DPYD: variants seen among roughly 807,000 people sequenced by gnomAD.
DPYD encodes dihydropyrimidine dehydrogenase.
A neutral mutation model predicts 116.2 loss-of-function variants in DPYD; 109 were observed. The observed-to-expected ratio is 0.94, with a 90% CI of 0.80 to 1.10. The LOEUF (loss-of-function observed/expected upper bound fraction) is 1.10, where lower values mean the gene tolerates loss of function less well. Among genes scored for constraint, DPYD ranks in the 50% least tolerant of loss-of-function variants. DPYD has a pLI of 0.00. For synonymous variants in DPYD, 440 were observed against 432.0 expected, an observed-to-expected ratio of 1.02 and a Z score of -0.23; for missense variants, 1,302 against 1,254.5, an observed-to-expected ratio of 1.04 and a Z score of -0.57.
chr1:97,668,190 GAATT>G (rs1029618262), intron 8 of DPYD, among the ~76,000 whole-genome samples: 2 of 151,966 alleles, frequency 1.3e-5, no homozygotes, highest in African/African-American at 4.8e-5. Context: ...TTTTAAAAAA[GAATT>G]AATTTAAAAT....
At chr1:97,614,180 C>CA (rs1441232306) in intron 8 of DPYD, among the ~76,000 whole-genome samples, 1 of 151,740 alleles carries the variant, frequency 6.6e-6, no homozygotes, top group Non-Finnish European at 1.5e-5. Flanking sequence ...AGAATCCCTA[C>CA]AAAAAATAAA....
intron 16 of DPYD, among the ~76,000 whole-genome samples, chr1:97,320,993 C>T (rs1233720217): frequency 2.2e-5 from 2 of 89,654 alleles, no homozygotes; most frequent in Non-Finnish European, 4.3e-5. Flanking sequence ...AAAGGATTCC[C>T]TATTTAATAA....
intron 18 of DPYD, among the ~76,000 whole-genome samples, chr1:97,290,046 A>G (rs1407103252): frequency 3.3e-5 from 5 of 152,172 alleles, no homozygotes; most frequent in African/African-American, 7.2e-5. Context: ...TTATACACCA[A>G]TAACAGACAG....
chr1:97,346,669 T>C (rs1055425377), intron 16 of DPYD, among the ~76,000 whole-genome samples: 1 of 151,852 alleles, frequency 6.6e-6, no homozygotes, highest in Admixed American at 6.6e-5. Flanking sequence ...GTATAGATAA[T>C]GATTGTCTTA....
chr1:97,158,006 C>T (rs746063497), intron 20 of DPYD, among the ~76,000 whole-genome samples: 11 of 152,102 alleles, frequency 7.2e-5, no homozygotes, highest in Non-Finnish European at 1.6e-4. Context: ...CATATATATT[C>T]TTGTTGAAGT....
chr1:97,345,113 G>C (rs1189490441), intron 16 of DPYD, among the ~76,000 whole-genome samples: 1 of 151,796 alleles, frequency 6.6e-6, no homozygotes, highest in Non-Finnish European at 1.5e-5. Context: ...TGGTAATTTT[G>C]CTTCTTTAAA....
chr1:97,690,554 T>G (rs536140516), intron 7 of DPYD, among the ~76,000 whole-genome samples: 252 of 152,054 alleles, frequency 1.7e-3, no homozygotes, highest in Non-Finnish European at 3.1e-3. Context: ...CATGTCTTTG[T>G]GTTGGGAACA....
chr1:97,208,577 A>G (rs1360210868), intron 19 of DPYD, among the ~76,000 whole-genome samples: 3 of 151,908 alleles, frequency 2.0e-5, no homozygotes, highest in Non-Finnish European at 2.9e-5. Flanking sequence ...GACACACTGC[A>G]CTTCGCCAAG....
chr1:97,301,584 A>G (rs1033956319), intron 18 of DPYD, among the ~76,000 whole-genome samples: 2 of 151,996 alleles, frequency 1.3e-5, no homozygotes, highest in African/African-American at 4.8e-5. Flanking sequence ...TTCATTCCCC[A>G]TTAATAAAAA....
chr1:97,580,403 T>G (rs1653562023), intron 10 of DPYD, among the ~76,000 whole-genome samples: 1 of 152,226 alleles, frequency 6.6e-6, no homozygotes. Flanking sequence ...AATTATTGGA[T>G]GTACCAGAAA....
chr1:97,385,027 G>A (rs1009255564), intron 14 of DPYD, among the ~76,000 whole-genome samples: 3 of 151,954 alleles, frequency 2.0e-5, no homozygotes, highest in African/African-American at 7.2e-5. Context: ...AAGAATGCTT[G>A]TTCCATGGCC....
intron 18 of DPYD, among the ~76,000 whole-genome samples, chr1:97,246,411 C>G (rs1387749291): frequency 3.3e-5 from 5 of 151,970 alleles, no homozygotes; most frequent in Non-Finnish European, 7.4e-5. Context: ...CAAGGAGAGC[C>G]AGGAAATCTG....
At chr1:97,598,304 A>C (rs1174587707) in intron 8 of DPYD, among the ~76,000 whole-genome samples, 1 of 152,234 alleles carries the variant, frequency 6.6e-6, no homozygotes, top group East Asian at 1.9e-4. Flanking sequence ...GTGGCATATT[A>C]ATAAATAAGG....
Position 97,916,399 on chromosome 1 carries a change from A to T in DPYD, c.39+4485T>A, listed in dbSNP as rs539834939. 6.5e-4 allele frequency among the ~76,000 whole-genome samples: 99 copies of T among 152,188 alleles called. 1 individual carries two copies. In the South Asian group the frequency reaches 9.6e-3, roughly 15 times the overall value. On this transcript the variant is annotated intron_variant, in intron 1 of 22. Transcript: ENST00000370192. ...CTGTGTTCATGTGTTCTTATTGCTC[A>T]ATTCCCACCTATGAGTGAGAACATG...
rs80152876 is a variant in DPYD at position 97,759,176 on chromosome 1, G to A, written c.234-18697C>T. Among the ~76,000 whole-genome samples, 326 of 152,206 alleles carry A rather than the reference G, an allele frequency of 2.1e-3. 1 individual carries two copies. Among genetic ancestry groups the A allele is most frequent in the African/African-American group, 6.5e-3 (270 of 41,512 alleles). On this transcript the variant is annotated intron_variant, in intron 3 of 22. Transcript: ENST00000370192. Reference sequence around the variant, plus strand: ...CTTGCTGCCCAGTCTGTATACCAGCGTTACTGCATCCTACCAAAACAAAGC... The same window carrying A: ...CTTGCTGCCCAGTCTGTATACCAGCATTACTGCATCCTACCAAAACAAAGC...
At chr1:97,454,372 A>G (rs183649902) in intron 13 of DPYD, among the ~76,000 whole-genome samples, 1 of 152,022 alleles carries the variant, frequency 6.6e-6, no homozygotes, top group Admixed American at 6.6e-5. Flanking sequence ...TGATTTCATA[A>G]GAGAATATTT....
intron 16 of DPYD, among the ~76,000 whole-genome samples, chr1:97,354,422 A>T (rs1670313332): frequency 1.3e-5 from 2 of 151,382 alleles, no homozygotes; most frequent in Admixed American, 6.6e-5. Context: ...AAAAATGCTC[A>T]TTCTTAAACA....
chr1:97,371,868 A>C (rs1671327605), intron 16 of DPYD, among the ~76,000 whole-genome samples: 2 of 152,206 alleles, frequency 1.3e-5, no homozygotes, highest in Admixed American at 1.3e-4. Context: ...TTTTTCAGCC[A>C]AGATATCATG....
intron 3 of DPYD, among the ~76,000 whole-genome samples, chr1:97,778,115 G>T (rs540270990): frequency 7.7e-6 from 1 of 129,940 alleles, no homozygotes; most frequent in Non-Finnish European, 1.5e-5. Flanking sequence ...TCAAGGCTCC[G>T]CCACTGAACT....
Sources: gnomAD v4.1 joint callset for allele counts (sites outside exome capture counted in the v4.1 genomes callset) on GRCh38, gnomAD v4.1.1 for gene constraint, MANE v1.5 for transcripts, NCBI Gene and HGNC (gene_info 2026-07-23, HGNC 2026-07-21) for gene names.